Variants in MCC observed in about 807,000 individuals in gnomAD.
MCC encodes the protein colorectal mutant cancer protein.
Under a neutral mutation model 116.2 loss-of-function variants are expected in MCC, and 90 were observed. That is an observed-to-expected ratio of 0.77 (90% CI 0.65 to 0.92). The LOEUF (loss-of-function observed/expected upper bound fraction) is 0.92, where lower values mean the gene tolerates loss of function less well. Among genes scored for constraint, MCC ranks in the 40% least tolerant of loss-of-function variants. The pLI is 0.00. For missense variants in MCC, 1,516 were observed against 1,312.2 expected, an observed-to-expected ratio of 1.16 and a Z score of -2.40; for synonymous variants, 578 against 510.5, an observed-to-expected ratio of 1.13 and a Z score of -1.78.
intron 3 of MCC, among the ~76,000 whole-genome samples, chr5:113,211,868 T>C (rs900501768): frequency 1.6e-4 from 24 of 152,238 alleles, no homozygotes; most frequent in African/African-American, 5.8e-4. Context: ...TTTAGAAGCA[T>C]GAAAAATTGG....
At chr5:113,196,071 T>A (rs1004413626) in intron 3 of MCC, among the ~76,000 whole-genome samples, 1 of 152,194 alleles carries the variant, frequency 6.6e-6, no homozygotes, top group African/African-American at 2.4e-5. Flanking sequence ...TTCTTTTCGA[T>A]TGTTTACTTG....
chr5:113,444,877 T>C (rs888386724), intron 1 of MCC, among the ~76,000 whole-genome samples: 2 of 152,222 alleles, frequency 1.3e-5, no homozygotes, highest in African/African-American at 4.8e-5. Context: ...CACTGTTCCA[T>C]ATCATTTATT....
chr5:113,456,341 T>C lies in MCC; in HGVS notation c.170+31904A>G, dbSNP rs897936932. Among the ~76,000 whole-genome samples the C allele has an allele frequency of 2.5e-4, 38 of 152,356 alleles. 1 individual carries two copies. Among genetic ancestry groups the C allele is most frequent in the Admixed American group, 2.6e-4 (4 of 15,306 alleles). The stretch of plus-strand genomic sequence containing the variant: ...GTCGAGTATCTTTTATCTAAAATGC[T>C]TGAGATCAGAAGTGTTTCAGACTTT... On this transcript the variant is annotated intron_variant, in intron 1 of 18. Coordinates refer to ENST00000408903, the MANE Select transcript of MCC (RefSeq NM_001085377.2).
intron 3 of MCC, among the ~76,000 whole-genome samples, chr5:113,272,211 C>T (rs1765641578): frequency 6.6e-6 from 1 of 152,120 alleles, no homozygotes; most frequent in African/African-American, 2.4e-5. Context: ...TATTTAACTT[C>T]TCTGTCTCAA....
intron 3 of MCC, among the ~76,000 whole-genome samples, chr5:113,153,060 C>G (rs1008460122): frequency 1.3e-5 from 2 of 152,170 alleles, no homozygotes; most frequent in African/African-American, 4.8e-5. Flanking sequence ...GTTGCCCCCT[C>G]AGCCTTTGAA....
Position 113,096,502 on chromosome 5 carries a change from C to T in MCC, c.1398+5237G>A, listed in dbSNP as rs192313389. Among the ~76,000 whole-genome samples, 270 of 152,268 alleles carry T rather than the reference C, an allele frequency of 1.8e-3. 2 individuals are homozygous for T. The highest frequency in any genetic ancestry group is 6.4e-3 in the African/African-American group (264 of 41,568). The stretch of plus-strand genomic sequence containing the variant: ...TCTGCAACTCTGATTCACGGCCAAG[C>T]CCGGCTGGTATCATAGTCAAAGCAT... On this transcript the variant is annotated intron_variant, in intron 8 of 18. Coordinates refer to ENST00000408903, the MANE Select transcript of MCC (RefSeq NM_001085377.2).
chr5:113,099,419 T>C (rs1756255227), intron 8 of MCC, among the ~76,000 whole-genome samples: 1 of 152,230 alleles, frequency 6.6e-6, no homozygotes, highest in Non-Finnish European at 1.5e-5. Context: ...TTTAAAAAAA[T>C]GACAGGATGG....
rs534025802 is a variant in MCC, at chr5:113,073,872, G to T, written c.1785-2638C>A. On this transcript the variant is annotated intron_variant, in intron 11 of 18. Coordinates refer to ENST00000408903, the MANE Select transcript of MCC (RefSeq NM_001085377.2). ...GCTGAGGGTTGAGTAGGTAAACAAA[G>T]TGGCTGGGAAGCTCAAACTGGGTGG... Among the ~76,000 whole-genome samples, 21 of 152,342 alleles carry T rather than the reference G, an allele frequency of 1.4e-4. No homozygotes were observed. The South Asian group carries it at 4.3e-3, about 32-fold the overall frequency.
chr5:113,174,346 G>A (rs1192895365), intron 3 of MCC, among the ~76,000 whole-genome samples: 2 of 152,148 alleles, frequency 1.3e-5, no homozygotes, highest in Non-Finnish European at 2.9e-5. Flanking sequence ...TACCTACACT[G>A]CTGGTATGGA....
rs752374345 is a variant in MCC, at chr5:113,122,753, T to G, written c.958A>C (p.Ser320Arg). ...ACAGAGGTCTGGTCTTGGTCCATGC[T>G]TCGAGAGTCCTCGTTGACCTCGTGT... ...SQHEVNEDSR[S>R]MDQDQTSVSI... The change falls in exon 6 of 19, where the codon AGC becomes CGC. Residue 320 changes from serine (S) to arginine (R), a missense_variant. By Grantham distance (110) the Ser-to-Arg change is moderately radical. Transcript: ENST00000408903. 4.7e-5 allele frequency: 76 copies of G among 1,614,102 alleles called. No homozygotes were observed. Among genetic ancestry groups the G allele is most frequent in the Non-Finnish European group, 6.1e-5 (72 of 1,180,044 alleles).
chr5:113,244,473 A>T (rs1029916634), intron 3 of MCC, among the ~76,000 whole-genome samples: 3 of 152,218 alleles, frequency 2.0e-5, no homozygotes, highest in Non-Finnish European at 4.4e-5. Context: ...TGTGCTCTGA[A>T]GTTAAGCCTA....
chr5:113,059,570 G>C (rs1753072245), intron 14 of MCC, among the ~76,000 whole-genome samples: 2 of 152,230 alleles, frequency 1.3e-5, no homozygotes, highest in South Asian at 4.1e-4. Context: ...CTCCTCTCCA[G>C]AACAGGAGCC....
Position 113,068,152 on chromosome 5 carries a change from G to A in MCC, c.1957C>T (p.Leu653=). 1 of 1,614,168 alleles carries A rather than the reference G, an allele frequency of 6.2e-7. No individual in the cohort carries two copies. The highest frequency in any genetic ancestry group is 8.5e-7 in the Non-Finnish European group (1 of 1,179,990). The change falls in exon 13 of 19, where the codon CTG becomes TTG. Residue 653 remains leucine (L), a synonymous_variant. Coordinates refer to ENST00000408903, the MANE Select transcript of MCC (RefSeq NM_001085377.2). ...EQCIEAYELL[L]ALAESEQSLI... Reference sequence around the variant, plus strand: ...CTCTGCTCACTCTCTGCCAGCGCCAGGAGGAGTTCGTAGGCTTCGATGCAC... The same window carrying A: ...CTCTGCTCACTCTCTGCCAGCGCCAAGAGGAGTTCGTAGGCTTCGATGCAC...
chr5:113,243,480 T>C (rs1764455705), intron 3 of MCC, among the ~76,000 whole-genome samples: 1 of 152,194 alleles, frequency 6.6e-6, no homozygotes, highest in South Asian at 2.1e-4. Context: ...GTAGTATGAA[T>C]ACCACAGACC....
At chr5:113,481,287 T>G (rs1035555754) in intron 1 of MCC, among the ~76,000 whole-genome samples, 2 of 152,178 alleles carry the variant, frequency 1.3e-5, no homozygotes, top group Non-Finnish European at 2.9e-5. Flanking sequence ...AAGAATTATT[T>G]TGCCATAGTT....
At chr5:113,178,806 C>A (rs1013003205) in intron 3 of MCC, among the ~76,000 whole-genome samples, 3 of 152,190 alleles carry the variant, frequency 2.0e-5, no homozygotes, top group African/African-American at 7.2e-5. Context: ...ATCCTACCCT[C>A]CTGCCTTCTA....
intron 4 of MCC, among the ~76,000 whole-genome samples, chr5:113,149,135 A>G (rs1759694988): frequency 1.3e-5 from 2 of 152,158 alleles, no homozygotes; most frequent in Admixed American, 6.5e-5. Flanking sequence ...ATTCTCATCA[A>G]TAAGAATTGC....
chr5:113,244,692 G>A (rs1487260312), intron 3 of MCC, among the ~76,000 whole-genome samples: 1 of 152,166 alleles, frequency 6.6e-6, no homozygotes, highest in Non-Finnish European at 1.5e-5. Flanking sequence ...GTTTCACTAA[G>A]TGAGTTTACT....
At chr5:113,332,706 T>C (rs1268225131) in intron 3 of MCC, among the ~76,000 whole-genome samples, 1 of 151,684 alleles carries the variant, frequency 6.6e-6, no homozygotes. Context: ...CATTTGGGGT[T>C]ACCTTCCATG....
Sources: allele counts gnomAD v4.1 joint callset (sites outside exome capture counted in the v4.1 genomes callset), GRCh38; gene constraint gnomAD v4.1.1; transcripts MANE v1.5; gene names NCBI Gene and HGNC (gene_info 2026-07-23, HGNC 2026-07-21).